The following NBEA variants were observed in gnomAD, a reference collection of about 807,000 sequenced individuals.
NBEA encodes neurobeachin.
A neutral mutation model predicts 343.4 loss-of-function variants in NBEA; 44 were observed. The observed-to-expected ratio is 0.13, with a 90% CI of 0.10 to 0.16. The LOEUF (loss-of-function observed/expected upper bound fraction) is 0.16, where lower values mean the gene tolerates loss of function less well. NBEA is among the 10% of genes least tolerant of loss of function. The pLI, the probability that NBEA is intolerant of heterozygous loss-of-function variation, is 1.00. For synonymous variants in NBEA, 1,175 were observed against 1,238.7 expected, an observed-to-expected ratio of 0.95 and a Z score of 1.08; for missense variants, 2,555 against 3,631.3, an observed-to-expected ratio of 0.70 and a Z score of 7.62.
At chr13:35,445,452 A>G (rs993737403) in intron 39 of NBEA, among the ~76,000 whole-genome samples, 4 of 152,020 alleles carry the variant, frequency 2.6e-5, no homozygotes, top group African/African-American at 9.7e-5. Flanking sequence ...CTCTTCTACA[A>G]ATTTGGAAAC....
chr13:35,066,599 G>A (rs752124526), intron 8 of NBEA, among the ~76,000 whole-genome samples: 3 of 151,890 alleles, frequency 2.0e-5, no homozygotes, highest in Non-Finnish European at 4.4e-5. Context: ...TCCGATATTA[G>A]CACAGCCATT....
chr13:35,154,395 T>G (rs528229421), intron 18 of NBEA, among the ~76,000 whole-genome samples: 1 of 152,294 alleles, frequency 6.6e-6, no homozygotes, highest in African/African-American at 2.4e-5. Flanking sequence ...TTGACTTAGG[T>G]TTAACTGTTT....
chr13:35,249,668 T>A (rs1199806279), intron 34 of NBEA, among the ~76,000 whole-genome samples: 2 of 151,996 alleles, frequency 1.3e-5, no homozygotes, highest in East Asian at 1.9e-4. Flanking sequence ...AGTATGGCAT[T>A]TTGTCAGAAA....
intron 31 of NBEA, among the ~76,000 whole-genome samples, chr13:35,200,150 T>C (rs2072914697): frequency 6.6e-6 from 1 of 152,036 alleles, no homozygotes; most frequent in South Asian, 2.1e-4. Flanking sequence ...TTTAGAATTC[T>C]TAAATCAAGT....
At chr13:35,181,572 T>C (rs2071323172) in intron 28 of NBEA, among the ~76,000 whole-genome samples, 1 of 151,876 alleles carries the variant, frequency 6.6e-6, no homozygotes, top group Non-Finnish European at 1.5e-5. Flanking sequence ...CTTTGTCGGA[T>C]GAATAGATTG....
chr13:35,177,237 C>A, intron 28 of NBEA, 134 bp downstream of exon 28: 1 of 617,604 alleles, frequency 1.6e-6, no homozygotes, highest in Non-Finnish European at 2.8e-6. Context: ...GCATACTTCT[C>A]ATTATAAAAT....
intron 16 of NBEA, among the ~76,000 whole-genome samples, chr13:35,119,363 G>T (rs1249688507): frequency 1.3e-5 from 2 of 152,100 alleles, no homozygotes; most frequent in African/African-American, 4.8e-5. Context: ...ATCAGTGACT[G>T]TCAAGGGCTT....
chr13:35,641,937 A>G (rs976652650), intron 49 of NBEA, among the ~76,000 whole-genome samples: 65 of 152,336 alleles, frequency 4.3e-4, no homozygotes, highest in African/African-American at 1.5e-3. Context: ...TAAATAAATA[A>G]AAGTGAATGC....
intron 17 of NBEA, among the ~76,000 whole-genome samples, chr13:35,132,269 T>C (rs2067470615): frequency 6.6e-6 from 1 of 152,170 alleles, no homozygotes; most frequent in African/African-American, 2.4e-5. Flanking sequence ...GCGATTCTTC[T>C]GCCTAAGCCT....
intron 1 of NBEA, among the ~76,000 whole-genome samples, chr13:34,972,426 T>C (rs1322056530): frequency 2.6e-5 from 4 of 152,140 alleles, no homozygotes; most frequent in Admixed American, 6.6e-5. Flanking sequence ...GTTAGGTTGT[T>C]AACTTGAGAT....
intron 24 of NBEA, among the ~76,000 whole-genome samples, chr13:35,164,856 A>G (rs2069865910): frequency 6.6e-6 from 1 of 152,184 alleles, no homozygotes; most frequent in Non-Finnish European, 1.5e-5. Context: ...CATTTATTTT[A>G]CAAAATCTAG....
chr13:35,282,944 C>T (rs1437885323), intron 34 of NBEA, among the ~76,000 whole-genome samples: 1 of 151,936 alleles, frequency 6.6e-6, no homozygotes, highest in African/African-American at 2.4e-5. Flanking sequence ...ATTATTGTTC[C>T]TTAAATAAAT....
chr13:35,103,358 G>A (rs2152647040), intron 11 of NBEA, among the ~76,000 whole-genome samples: 1 of 150,268 alleles, frequency 6.7e-6, no homozygotes, highest in Non-Finnish European at 1.5e-5. Flanking sequence ...GAATATTTCA[G>A]TTGAACATTC....
chr13:35,394,039 C>T (rs1171884592), intron 38 of NBEA, among the ~76,000 whole-genome samples: 2 of 152,122 alleles, frequency 1.3e-5, no homozygotes, highest in Non-Finnish European at 2.9e-5. Context: ...GGCTCACCTT[C>T]CTGTTTGAAC....
intron 32 of NBEA, among the ~76,000 whole-genome samples, chr13:35,210,704 T>C (rs971663269): frequency 6.6e-6 from 1 of 152,166 alleles, no homozygotes; most frequent in African/African-American, 2.4e-5. Context: ...ACCAAAAATA[T>C]TACAATGTAG....
chr13:35,103,464 C>A (rs2065755827), intron 11 of NBEA, among the ~76,000 whole-genome samples: 2 of 149,714 alleles, frequency 1.3e-5, no homozygotes, highest in African/African-American at 4.9e-5. Context: ...CTTCATCTTT[C>A]TAAATTCTGA....
In NBEA at chr13:34,968,978, A is replaced by C. The variant is rs1593312077; in HGVS notation, c.294+25864A>C. Among the ~76,000 whole-genome samples the C allele has an allele frequency of 2.0e-5, 3 of 152,212 alleles. 1 individual carries two copies. Among genetic ancestry groups the C allele is most frequent in the African/African-American group, 7.2e-5 (3 of 41,560 alleles). On this transcript the variant is annotated intron_variant, in intron 1 of 58. Coordinates refer to ENST00000379939, the MANE Select transcript of NBEA (RefSeq NM_001385012.1). ...TCCTCTTTGTGCCTCTTACTCCAGT[A>C]GGTGGGCTTGAAAACTACCTACTGG...
chr13:34,966,377 T>C (rs1333792497), intron 1 of NBEA, among the ~76,000 whole-genome samples: 1 of 152,084 alleles, frequency 6.6e-6, no homozygotes, highest in Non-Finnish European at 1.5e-5. Context: ...GAGGTGCTTC[T>C]TTCTAGCCCC....
intron 1 of NBEA, among the ~76,000 whole-genome samples, chr13:35,028,977 C>A (rs1312678826): frequency 1.3e-5 from 2 of 151,390 alleles, no homozygotes; most frequent in East Asian, 3.9e-4. Flanking sequence ...GAATAATATT[C>A]CATTGTATGG....
Sources: allele counts gnomAD v4.1 joint callset (sites outside exome capture counted in the v4.1 genomes callset), GRCh38; gene constraint gnomAD v4.1.1; transcripts MANE v1.5; gene names NCBI Gene and HGNC (gene_info 2026-07-23, HGNC 2026-07-21).